The following PDE10A variants were observed in gnomAD, a reference collection of about 807,000 sequenced individuals.
PDE10A encodes phosphodiesterase 10A.
PDE10A carries 39 observed loss-of-function variants against 97.7 expected under a neutral mutation model. That is an observed-to-expected ratio of 0.40 (90% CI 0.31 to 0.52). The LOEUF (loss-of-function observed/expected upper bound fraction) is 0.52, where lower values mean the gene tolerates loss of function less well. Among genes scored for constraint, PDE10A ranks in the 20% least tolerant of loss-of-function variants. The probability of loss-of-function intolerance (pLI) is 0.56; values close to 1 mark genes in which losing one functional copy is unlikely to be tolerated. For synonymous variants in PDE10A, 371 were observed against 376.8 expected, an observed-to-expected ratio of 0.98 and a Z score of 0.18; for missense variants, 731 against 1,047.8, an observed-to-expected ratio of 0.70 and a Z score of 4.17.
At chr6:165,624,809 T>C (rs1298422652) in intron 1 of PDE10A, among the ~76,000 whole-genome samples, 1 of 152,202 alleles carries the variant, frequency 6.6e-6, no homozygotes, top group African/African-American at 2.4e-5. Flanking sequence ...GACATGATCA[T>C]AAGTGTTTTG....
intron 1 of PDE10A, among the ~76,000 whole-genome samples, chr6:165,577,608 C>T (rs561420324): frequency 2.7e-5 from 4 of 150,040 alleles, no homozygotes; most frequent in Admixed American, 1.3e-4. Flanking sequence ...CTGAGGCACT[C>T]GTTCACCCCA....
intron 1 of PDE10A, among the ~76,000 whole-genome samples, chr6:165,577,476 C>A (rs1225976810): frequency 9.2e-5 from 14 of 152,180 alleles, no homozygotes; most frequent in African/African-American, 3.4e-4. Flanking sequence ...GAAACTGGGA[C>A]CACGAAGCTA....
intron 1 of PDE10A, among the ~76,000 whole-genome samples, chr6:165,886,661 C>A (rs1176625778): frequency 6.6e-6 from 1 of 152,162 alleles, no homozygotes; most frequent in Non-Finnish European, 1.5e-5. Flanking sequence ...GAATCTGTAT[C>A]ACATGTTGGC....
chr6:165,608,079 T>C lies in PDE10A; in HGVS notation c.865+53868A>G, dbSNP rs368853518. Among the ~76,000 whole-genome samples, 25 of 136,714 alleles carry C rather than the reference T, an allele frequency of 1.8e-4. 1 individual carries two copies. The highest frequency in any genetic ancestry group is 3.1e-4 in the Non-Finnish European group (21 of 67,212). The allele number at this position is 136,714 out of a possible 152,430, so 89.7% of individuals were successfully genotyped here. A position where few individuals can be genotyped will look rare whatever the true frequency, so the allele number is the denominator to read the frequency against. ...ATATATATGTATATATATATGTATA[T>C]ATGTATATATATGTGCATATATATA... On this transcript the variant is annotated intron_variant, in intron 1 of 21. Transcript: ENST00000539869.
intron 2 of PDE10A, among the ~76,000 whole-genome samples, chr6:165,538,958 T>C (rs1583495061): frequency 2.6e-5 from 4 of 152,322 alleles, no homozygotes; most frequent in African/African-American, 2.4e-5. Context: ...GGGCAACATA[T>C]GCCTAGATAA....
At chr6:165,942,592 C>T (rs1353965187) in intron 1 of PDE10A, among the ~76,000 whole-genome samples, 1 of 152,158 alleles carries the variant, frequency 6.6e-6, no homozygotes, top group Non-Finnish European at 1.5e-5. Flanking sequence ...GCCCCGCTCT[C>T]GGGCCTCTGC....
At position 165,343,306 on chromosome 6, in the gene PDE10A, T is replaced by C; in HGVS notation, c.2895+85A>G. On this transcript the variant is annotated intron_variant, in intron 19 of 21. Coordinates refer to ENST00000539869, the MANE Select transcript of PDE10A (RefSeq NM_001385079.1). ...CAGTTCTCTGAAATAACTATCAACATGAACAACTAAAGTATTCTTAGCAAT... is the reference window on the plus strand; with the variant it reads ...CAGTTCTCTGAAATAACTATCAACACGAACAACTAAAGTATTCTTAGCAAT... The C allele has an allele frequency of 5.3e-6, 5 of 947,562 alleles. No individual in the cohort carries two copies. The South Asian group carries it at 5.4e-5, about 10-fold the overall frequency. The allele number at this position is 947,562 out of a possible 1,614,324, so 58.7% of individuals were successfully genotyped here.
chr6:165,444,956 T>C (rs1047712768), intron 5 of PDE10A, among the ~76,000 whole-genome samples: 7 of 151,350 alleles, frequency 4.6e-5, no homozygotes, highest in Non-Finnish European at 1.0e-4. Context: ...AGTCTATTTG[T>C]GTTTTATTAT....
intron 1 of PDE10A, chr6:165,947,126 A>G (rs1429943645): frequency 6.6e-6 from 1 of 152,190 alleles, no homozygotes; most frequent in Non-Finnish European, 1.5e-5. Flanking sequence ...ACGTGCAGTC[A>G]TTGATGAAGA....
intron 2 of PDE10A, among the ~76,000 whole-genome samples, chr6:165,507,768 G>T (rs1562531081): frequency 6.6e-6 from 1 of 151,816 alleles, no homozygotes; most frequent in Non-Finnish European, 1.5e-5. Context: ...GGGCTTTCAG[G>T]GTGATACAAA....
At chr6:165,653,325 C>A (rs1008983550) in intron 1 of PDE10A, among the ~76,000 whole-genome samples, 1 of 152,116 alleles carries the variant, frequency 6.6e-6, no homozygotes, top group Non-Finnish European at 1.5e-5. Context: ...GAGACAAACA[C>A]GAAAGCAGAC....
chr6:165,802,158 T>C (rs1779002747), intron 1 of PDE10A, among the ~76,000 whole-genome samples: 1 of 152,224 alleles, frequency 6.6e-6, no homozygotes, highest in Admixed American at 6.5e-5. Context: ...CCTCTCTCCC[T>C]GGCTTTGATA....
At chr6:165,961,085 C>G (rs192455648) in intron 1 of PDE10A, among the ~76,000 whole-genome samples, 3 of 151,854 alleles carry the variant, frequency 2.0e-5, no homozygotes, top group African/African-American at 7.2e-5. Context: ...GCCTGTCGAT[C>G]TCCAGTCCGA....
At chr6:165,434,069 T>C (rs1288110717) in intron 6 of PDE10A, among the ~76,000 whole-genome samples, 2 of 141,774 alleles carry the variant, frequency 1.4e-5, no homozygotes, top group Non-Finnish European at 3.1e-5. Context: ...AATGAATTAA[T>C]ATCAAAAGCA....
chr6:165,345,731 C>T (rs1036417851), intron 18 of PDE10A, among the ~76,000 whole-genome samples: 1 of 152,202 alleles, frequency 6.6e-6, no homozygotes, highest in African/African-American at 2.4e-5. Context: ...CATTTATCCT[C>T]AAAAGTTGTG....
chr6:165,670,185 G>A (rs1286382732), intron 1 of PDE10A, among the ~76,000 whole-genome samples: 1 of 152,190 alleles, frequency 6.6e-6, no homozygotes, highest in Non-Finnish European at 1.5e-5. Context: ...TGTCGATTTT[G>A]TGTATCCCTT....
chr6:165,705,016 T>A (rs1791672463), intron 1 of PDE10A, among the ~76,000 whole-genome samples: 1 of 152,204 alleles, frequency 6.6e-6, no homozygotes, highest in Non-Finnish European at 1.5e-5. Flanking sequence ...CTGCTGTCCC[T>A]GTTTGCCATG....
In PDE10A at chr6:165,916,491, G is replaced by A. The variant is rs527468363; in HGVS notation, c.-615+71038C>T. Reference sequence around the variant, plus strand: ...CGTAAATGAAGGTCATTTATGAGATGGTAATAAGGTCAGCCCTTATGGCTG... The same window carrying A: ...CGTAAATGAAGGTCATTTATGAGATAGTAATAAGGTCAGCCCTTATGGCTG... On this transcript the variant is annotated intron_variant, in intron 1 of 19. Transcript: ENST00000366882. 1.7e-3 allele frequency among the ~76,000 whole-genome samples: 261 copies of A among 152,294 alleles called. 1 individual carries two copies. The highest frequency in any genetic ancestry group is 6.1e-3 in the African/African-American group (252 of 41,562).
chr6:165,508,583 C>G (rs1781334320), intron 2 of PDE10A, among the ~76,000 whole-genome samples: 1 of 151,934 alleles, frequency 6.6e-6, no homozygotes, highest in Non-Finnish European at 1.5e-5. Flanking sequence ...TGCTCAGTGT[C>G]TACATAACTT....
Sources: allele counts gnomAD v4.1 joint callset (sites outside exome capture counted in the v4.1 genomes callset), GRCh38; gene constraint gnomAD v4.1.1; transcripts MANE v1.5; gene names NCBI Gene and HGNC (gene_info 2026-07-23, HGNC 2026-07-21).